The following ADORA1 variants were observed in gnomAD, a reference collection of about 807,000 sequenced individuals.
ADORA1 encodes adenosine receptor A1.
A neutral mutation model predicts 19.9 loss-of-function variants in ADORA1; 6 were observed. That is an observed-to-expected ratio of 0.30 (90% CI 0.17 to 0.59). The LOEUF is 0.59. ADORA1 is among the 20% of genes least tolerant of loss of function. ADORA1 has a pLI of 0.87. For missense variants in ADORA1, 302 were observed against 439.2 expected, an observed-to-expected ratio of 0.69 and a Z score of 2.79; for synonymous variants, 194 against 188.4, an observed-to-expected ratio of 1.03 and a Z score of -0.24.
intron 3 of ADORA1, among the ~76,000 whole-genome samples, chr1:203,149,157 C>T (rs901766530): frequency 6.6e-5 from 10 of 152,142 alleles, no homozygotes; most frequent in Non-Finnish European, 1.0e-4. Context: ...AGATTACAGG[C>T]GTGAGCTACT....
At chr1:203,134,737 A>T (rs1033961498) in intron 3 of ADORA1, among the ~76,000 whole-genome samples, 2 of 152,212 alleles carry the variant, frequency 1.3e-5, no homozygotes, top group African/African-American at 4.8e-5. Context: ...ATCACCAGTA[A>T]TTCTACCACC....
At chr1:203,145,988 C>G (rs1383724158) in intron 3 of ADORA1, among the ~76,000 whole-genome samples, 1 of 152,198 alleles carries the variant, frequency 6.6e-6, no homozygotes, top group Admixed American at 6.5e-5. Context: ...TGCCACTGCT[C>G]TGGGTATGGT....
At chr1:203,139,706 G>A (rs542666758) in intron 3 of ADORA1, among the ~76,000 whole-genome samples, 4 of 152,206 alleles carry the variant, frequency 2.6e-5, no homozygotes, top group Non-Finnish European at 4.4e-5. Context: ...AAGGGGGCTC[G>A]GGTCTCTGCC....
chr1:203,166,041 C>A lies in ADORA1; in HGVS notation c.*141C>A. 8.8e-7 allele frequency: 1 copy of A among 1,139,668 alleles called. No individual in the cohort carries two copies. The highest frequency in any genetic ancestry group is 1.2e-6 in the Non-Finnish European group (1 of 844,036). 70.6% of individuals were successfully genotyped at this position (1,139,668 alleles called of 1,614,324 possible). A position where few individuals can be genotyped will look rare whatever the true frequency, so the allele number is the denominator to read the frequency against. On this transcript the variant is annotated 3_prime_UTR_variant, in exon 4 of 4. Transcript: ENST00000337894. ...CATGGGGGAGGCTCTGAAGAGATAC[C>A]CACAGAGTGTGGTCCCTCCACTAGG...
At chr1:203,130,318 C>T (rs546611276) in intron 3 of ADORA1, among the ~76,000 whole-genome samples, 7 of 152,338 alleles carry the variant, frequency 4.6e-5, no homozygotes, top group South Asian at 2.1e-4. Flanking sequence ...GTTATCATCA[C>T]GCCGCTGTAA....
chr1:203,129,370 G>C (rs1654261184), intron 3 of ADORA1, 188 bp downstream of exon 3: 1 of 816,822 alleles, frequency 1.2e-6, no homozygotes, highest in Non-Finnish European at 1.5e-6. Context: ...GAGGGGGATG[G>C]GTGGCTGGAG....
intron 3 of ADORA1, among the ~76,000 whole-genome samples, chr1:203,139,777 GC>G (rs1464722802): frequency 3.9e-5 from 6 of 152,202 alleles, no homozygotes; most frequent in African/African-American, 1.4e-4. Context: ...CAAGCAGGTG[GC>G]TTTGACTGCA....
rs1477748103 is a variant in ADORA1, at chr1:203,145,929, G to A, written c.341+16747G>A. On this transcript the variant is annotated intron_variant, in intron 3 of 3. Coordinates refer to ENST00000337894, the MANE Select transcript of ADORA1 (RefSeq NM_000674.3). Reference sequence around the variant, plus strand: ...ACCCGGCCTTGGGGAAGCGGCTGTGGCAGGGCAGGGAGGTGTATAAAGCCC... The same window carrying A: ...ACCCGGCCTTGGGGAAGCGGCTGTGACAGGGCAGGGAGGTGTATAAAGCCC... 2.6e-5 allele frequency among the ~76,000 whole-genome samples: 4 copies of A among 152,314 alleles called. No individual in the cohort carries two copies. The East Asian group carries it at 7.7e-4, about 29-fold the overall frequency.
chr1:203,165,964 G>T lies in ADORA1; in HGVS notation c.*64G>T, dbSNP rs200117311. ...GTCTCAGTCCAGTCCTCACATGCCC[G>T]CTGTCCCAGGGGTCTCCCTGAGCCT... is the stretch of plus-strand genomic sequence containing the variant. On this transcript the variant is annotated 3_prime_UTR_variant, in exon 4 of 4. Coordinates refer to ENST00000337894, the MANE Select transcript of ADORA1 (RefSeq NM_000674.3). This position sits in a 1 kb window ranked among gnomAD's most constrained non-coding sequence, Gnocchi z 5.9. 349 of 1,493,944 alleles carry T rather than the reference G, an allele frequency of 2.3e-4. 5 individuals carry two copies. The South Asian group carries it at 4.3e-3, about 18-fold the overall frequency. The allele number at this position is 1,493,944 out of a possible 1,614,324, so 92.5% of individuals were successfully genotyped here.
Position 203,165,233 on chromosome 1 carries a change from C to G in ADORA1, c.342-28C>G. ...CTTTCGAGGCAGCTGGGAGGCAGAT[C>G]CTCACACTCTGCCCTCCTCTCCCCC... On this transcript the variant is annotated intron_variant, in intron 3 of 3. Coordinates refer to ENST00000337894, the MANE Select transcript of ADORA1 (RefSeq NM_000674.3). The surrounding 1 kb of genome is among the most constrained non-coding windows in gnomAD (Gnocchi z 5.9). 6.3e-7 allele frequency: 1 copy of G among 1,598,278 alleles called. No homozygotes were observed. Among genetic ancestry groups the G allele is most frequent in the South Asian group, 1.1e-5 (1 of 89,172 alleles).
intron 3 of ADORA1, among the ~76,000 whole-genome samples, chr1:203,153,922 G>A (rs940141176): frequency 3.9e-5 from 6 of 152,164 alleles, no homozygotes; most frequent in African/African-American, 1.2e-4. Flanking sequence ...GAGAGGAGGC[G>A]GGAAGGAGGG....
rs376256321 is a variant in ADORA1 at position 203,160,879 on chromosome 1, ATTG to A, written c.342-4376_342-4374del. ...AATGTTAGCGCTTACCAGCATTTTT[ATTG>A]TTGTTATTATTGATCAGATAACTAT... On this transcript the variant is annotated intron_variant, in intron 3 of 3. Transcript: ENST00000337894. Among the ~76,000 whole-genome samples, 74 of 152,308 alleles carry A rather than the reference ATTG, an allele frequency of 4.9e-4. No individual in the cohort carries two copies. The East Asian group carries it at 0.013, about 27-fold the overall frequency.
At position 203,166,241 on chromosome 1, in the gene ADORA1, G is replaced by C. The variant is rs113443093; in HGVS notation, c.*341G>C. The C allele has an allele frequency of 6.1e-5, 14 of 227,798 alleles. No individual in the cohort carries two copies. The highest frequency in any genetic ancestry group is 3.2e-4 in the African/African-American group (14 of 44,278). 14.1% of individuals were successfully genotyped at this position (227,798 alleles called of 1,614,324 possible). A position where few individuals can be genotyped will look rare whatever the true frequency, so the allele number is the denominator to read the frequency against. ...TCCTGGGGAGGCTGAGACTGCAGAG[G>C]AGCCACCTGGGCTGGGAGAAGGTGC... On this transcript the variant is annotated 3_prime_UTR_variant, in exon 4 of 4. Coordinates refer to ENST00000337894, the MANE Select transcript of ADORA1 (RefSeq NM_000674.3).
intron 3 of ADORA1, among the ~76,000 whole-genome samples, chr1:203,163,751 G>T (rs979473078): frequency 6.6e-6 from 1 of 152,190 alleles, no homozygotes; most frequent in Non-Finnish European, 1.5e-5. Flanking sequence ...CACAGAGCAG[G>T]TGGGCTTTGA....
At position 203,128,819 on chromosome 1, in the gene ADORA1, G is replaced by T; in HGVS notation, c.-23G>T. 6.4e-7 allele frequency: 1 copy of T among 1,569,670 alleles called. No homozygotes were observed. Reference sequence around the variant, plus strand: ...TCGTGCCCCTTGGTGCCCGTCTGCTGATGTGCCCAGCCTGTGCCCGCCATG... The same window carrying T: ...TCGTGCCCCTTGGTGCCCGTCTGCTTATGTGCCCAGCCTGTGCCCGCCATG... On this transcript the variant is annotated 5_prime_UTR_variant, in exon 3 of 4. The change abolishes the stop of an existing upstream ORF in the 5' untranslated region. Transcript: ENST00000337894. The surrounding 1 kb of genome is among the most constrained non-coding windows in gnomAD (Gnocchi z 5.9).
Position 203,166,851 on chromosome 1 carries a change from A to C in ADORA1, c.*951A>C, listed in dbSNP as rs1239293707. 2.0e-5 allele frequency: 3 copies of C among 153,222 alleles called. No homozygotes were observed. Among genetic ancestry groups the C allele is most frequent in the African/African-American group, 7.2e-5 (3 of 41,454 alleles). 9.5% of individuals were successfully genotyped at this position (153,222 alleles called of 1,614,324 possible). A position where few individuals can be genotyped will look rare whatever the true frequency, so the allele number is the denominator to read the frequency against. ...AGAACACTAGACATGCCAACTCGGG[A>C]GCATTCTGCCTGCCTGGGAACGGGG... On this transcript the variant is annotated 3_prime_UTR_variant, in exon 4 of 4. Transcript: ENST00000337894.
At chr1:203,133,465 T>C (rs1654408211) in intron 3 of ADORA1, among the ~76,000 whole-genome samples, 2 of 152,232 alleles carry the variant, frequency 1.3e-5, no homozygotes, top group South Asian at 4.1e-4. Flanking sequence ...TTGGGGAGTT[T>C]CAGTAACTTG....
chr1:203,146,790 C>A (rs140921784), intron 3 of ADORA1, among the ~76,000 whole-genome samples: 1 of 152,316 alleles, frequency 6.6e-6, no homozygotes, highest in South Asian at 2.1e-4. Context: ...TCGGTCCTGC[C>A]GGCTTTCTCT....
intron 3 of ADORA1, among the ~76,000 whole-genome samples, chr1:203,144,294 G>A (rs1654794167): frequency 6.6e-6 from 1 of 152,102 alleles, no homozygotes; most frequent in Admixed American, 6.5e-5. Flanking sequence ...TGAAAGTGGG[G>A]TCCAAGCCTA....
Sources: allele counts gnomAD v4.1 joint callset (sites outside exome capture counted in the v4.1 genomes callset), GRCh38; gene constraint gnomAD v4.1.1; non-coding constraint Gnocchi (gnomAD v3.1); transcripts MANE v1.5; gene names NCBI Gene and HGNC (gene_info 2026-07-23, HGNC 2026-07-21).